The following MRPL49 variants were observed in gnomAD, a reference collection of about 807,000 sequenced individuals.
The protein encoded by MRPL49 is mitochondrial ribosomal protein L49, also known as large ribosomal subunit protein mL49.
Under a neutral mutation model 18.4 loss-of-function variants are expected in MRPL49, and 14 were observed. The observed-to-expected ratio is 0.76, with a 90% CI of 0.50 to 1.19. The LOEUF is 1.19. MRPL49 is among the 50% of genes most tolerant of loss of function. MRPL49 has a pLI of 0.00. For synonymous variants in MRPL49, 104 were observed against 86.2 expected, an observed-to-expected ratio of 1.21 and a Z score of -1.14; for missense variants, 190 against 217.8, an observed-to-expected ratio of 0.87 and a Z score of 0.80.
At chr11:65,123,480 A>T (rs938265573) in intron 1 of MRPL49, among the ~76,000 whole-genome samples, 1 of 152,264 alleles carries the variant, frequency 6.6e-6, no homozygotes, top group African/African-American at 2.4e-5. Context: ...CACGCCTGTA[A>T]TCCCAGCACT....
chr11:65,125,213 G>T, intron 2 of MRPL49: 1 of 469,522 alleles, frequency 2.1e-6, no homozygotes, highest in Non-Finnish European at 3.8e-6. Flanking sequence ...TGGCCTAGAG[G>T]GGGACCCAAA....
At chr11:65,123,024 C>T (rs1237731445) in intron 1 of MRPL49, among the ~76,000 whole-genome samples, 2 of 152,124 alleles carry the variant, frequency 1.3e-5, no homozygotes, top group Non-Finnish European at 2.9e-5. Context: ...CGTCTGATTG[C>T]CTTAATTCTT....
At chr11:65,125,655 G>C (rs369723577) in intron 3 of MRPL49, 43 bp downstream of exon 3, 86 of 1,613,076 alleles carry the variant, frequency 5.3e-5, no homozygotes, top group Non-Finnish European at 7.0e-5. Flanking sequence ...GACCCTTTCA[G>C]GGCTGAAGGG....
At chr11:65,122,287 G>C (rs1464985217), upstream of MRPL49, 2 of 1,581,196 alleles carry the variant, frequency 1.3e-6, no homozygotes, top group African/African-American at 1.3e-5. Flanking sequence ...CAGGCAGCTC[G>C]CGCAGGACGG....
At chr11:65,122,659 T>G (rs949609595) in intron 1 of MRPL49, among the ~76,000 whole-genome samples, 8 of 151,928 alleles carry the variant, frequency 5.3e-5, no homozygotes, top group Non-Finnish European at 1.2e-4. Context: ...CCACAACGTT[T>G]CAGGTAAGGG....
chr11:65,122,436 G>A lies in MRPL49; in HGVS notation c.78+12G>A. 1 of 1,608,858 alleles carries A rather than the reference G, an allele frequency of 6.2e-7. No individual in the cohort carries two copies. The highest frequency in any genetic ancestry group is 8.5e-7 in the Non-Finnish European group (1 of 1,177,818). On this transcript the variant is annotated intron_variant, in intron 1 of 3. Transcript: ENST00000279242. ...GGCTACGGCTGTTGGTGAGAGCGCTGAGCGAGGAGCTGAGGGCATCGCGTG... is the reference window on the plus strand; with the variant it reads ...GGCTACGGCTGTTGGTGAGAGCGCTAAGCGAGGAGCTGAGGGCATCGCGTG...
intron 2 of MRPL49, chr11:65,124,882 G>C: frequency 2.2e-6 from 1 of 451,000 alleles, no homozygotes; most frequent in Non-Finnish European, 3.9e-6. Context: ...TCCCCATATG[G>C]GGGAAAGTAA....
chr11:65,126,537 A>G lies in MRPL49; in HGVS notation c.*665A>G, dbSNP rs1948104080. 6.3e-6 allele frequency: 1 copy of G among 158,442 alleles called. No homozygotes were observed. Among genetic ancestry groups the G allele is most frequent in the Non-Finnish European group, 1.4e-5 (1 of 72,246 alleles). 9.8% of individuals were successfully genotyped at this position (158,442 alleles called of 1,614,324 possible). A position where few individuals can be genotyped will look rare whatever the true frequency, so the allele number is the denominator to read the frequency against. The stretch of plus-strand genomic sequence containing the variant: ...CAACCCCAGTTTAGGGGAAGGTAGC[A>G]CAGGGCAGAGCCACTGGGCACTTTG... On this transcript the variant is annotated 3_prime_UTR_variant, in exon 4 of 4. Transcript: ENST00000279242.
chr11:65,127,026 T>C lies in MRPL49; in HGVS notation c.*1154T>C, dbSNP rs1485101313. 1.4e-6 allele frequency: 1 copy of C among 702,344 alleles called. No individual in the cohort carries two copies. Among genetic ancestry groups the C allele is most frequent in the African/African-American group, 1.7e-5 (1 of 57,378 alleles). 43.5% of individuals were successfully genotyped at this position (702,344 alleles called of 1,614,324 possible). A position where few individuals can be genotyped will look rare whatever the true frequency, so the allele number is the denominator to read the frequency against. The stretch of plus-strand genomic sequence containing the variant: ...GACCCCACCCTGCCCCCAAACTGGC[T>C]AAGACAGCTTTCAGTTCCTGACTCC... On this transcript the variant is annotated 3_prime_UTR_variant, in exon 4 of 4. Coordinates refer to ENST00000279242, the MANE Select transcript of MRPL49 (RefSeq NM_004927.4).
At chr11:65,124,388 C>T (rs190248858) in intron 1 of MRPL49, 114 bp from the exon 2 acceptor site, 126 of 1,112,754 alleles carry the variant, frequency 1.1e-4, no homozygotes, top group Non-Finnish European at 1.5e-4. Context: ...GTCGCCCAGC[C>T]TTTTATTTAT....
Position 65,125,612 on chromosome 11 carries a change from G to A in MRPL49, c.354G>A (p.Trp118Ter), listed in dbSNP as rs1373071017. Residue 118 changes from tryptophan to a stop codon, truncating the protein, a stop_gained and splice_region_variant, in exon 3 of 4, where the codon TGG (tryptophan) becomes TGA (stop). Transcript: ENST00000279242. LOFTEE classifies it high-confidence loss of function. ...TCCGGAAAGTGGAAGGGGACATCTGGGTAAGTGGGTGGGTGGGTCTGGGAC... is the reference window on the plus strand; with the variant it reads ...TCCGGAAAGTGGAAGGGGACATCTGAGTAAGTGGGTGGGTGGGTCTGGGAC... The part of the protein sequence containing the change: ...TVIRKVEGDI[W>*]ALQKDVEDFL... 4 of 1,600,954 alleles carry A rather than the reference G, an allele frequency of 2.5e-6. No individual in the cohort carries two copies. Among genetic ancestry groups the A allele is most frequent in the African/African-American group, 1.3e-5 (1 of 74,762 alleles).
At chr11:65,122,317 G>A (rs369019233), upstream of MRPL49, 2 of 1,607,072 alleles carry the variant, frequency 1.2e-6, no homozygotes, top group African/African-American at 1.3e-5. Flanking sequence ...AGACAGTTGC[G>A]CGCACAGAAG....
At chr11:65,124,725 C>G in intron 2 of MRPL49, 73 bp downstream of exon 2, 7 of 1,540,990 alleles carry the variant, frequency 4.5e-6, no homozygotes, top group Non-Finnish European at 3.5e-6. Flanking sequence ...TGGCCTCCCC[C>G]ATGAGGCTCT....
chr11:65,125,854 C>G lies in MRPL49; in HGVS notation c.483C>G (p.Leu161=), dbSNP rs747074773. 1 of 1,607,770 alleles carries G rather than the reference C, an allele frequency of 6.2e-7. No homozygotes were observed. Among genetic ancestry groups the G allele is most frequent in the Non-Finnish European group, 8.5e-7 (1 of 1,176,524 alleles). Residue 161 remains leucine (L), a synonymous_variant, in exon 4 of 4, where the codon CTC becomes CTG. Coordinates refer to ENST00000279242, the MANE Select transcript of MRPL49 (RefSeq NM_004927.4). The part of the protein sequence containing the change: ...GYFDQELKAW[L]LEKGF Reference sequence around the variant, plus strand: ...TTGACCAGGAGCTTAAAGCCTGGCTCTTGGAGAAAGGCTTCTGAGGCCCAG... The same window carrying G: ...TTGACCAGGAGCTTAAAGCCTGGCTGTTGGAGAAAGGCTTCTGAGGCCCAG...
intron 2 of MRPL49, 88 bp downstream of exon 2, chr11:65,124,740 T>C: frequency 6.9e-7 from 1 of 1,456,512 alleles, no homozygotes; most frequent in African/African-American, 1.4e-5. Context: ...GGCTCTGGAC[T>C]CTCCAGTGGG....
chr11:65,123,666 G>A (rs747576508), intron 1 of MRPL49, among the ~76,000 whole-genome samples: 5 of 150,182 alleles, frequency 3.3e-5, no homozygotes, highest in Non-Finnish European at 5.9e-5. Flanking sequence ...CTTGGGAGGC[G>A]GAGGTTGCAG....
At chr11:65,122,720 C>CTT (rs11445335) in intron 1 of MRPL49, among the ~76,000 whole-genome samples, 1,647 of 130,846 alleles carry the variant, frequency 0.013, 22 homozygotes, top group African/African-American at 0.019. Context: ...TGCCTTAATT[C>CTT]TTTTTTTTTT....
Position 65,126,045 on chromosome 11 carries a change from G to A in MRPL49, c.*173G>A, listed in dbSNP as rs369194358. 7.6e-5 allele frequency: 52 copies of A among 683,488 alleles called. No individual in the cohort carries two copies. The East Asian group carries it at 1.2e-3, about 15-fold the overall frequency. 42.3% of individuals were successfully genotyped at this position (683,488 alleles called of 1,614,324 possible). ...AAGGAGAAAACAACTCTATGTACAT[G>A]CTGGGGGAGAGTGCCTAATGTGGGA... On this transcript the variant is annotated 3_prime_UTR_variant, in exon 4 of 4. Transcript: ENST00000279242.
chr11:65,122,251 C>A (rs1203564939), upstream of MRPL49: 8 of 1,380,732 alleles, frequency 5.8e-6, no homozygotes, highest in East Asian at 1.7e-4. Context: ...CGCCCCTTTA[C>A]GCTCGCACCG....
Sources: gnomAD v4.1 joint callset for allele counts (sites outside exome capture counted in the v4.1 genomes callset) on GRCh38, gnomAD v4.1.1 for gene constraint, MANE v1.5 for transcripts, NCBI Gene and HGNC (gene_info 2026-07-23, HGNC 2026-07-21) for gene names.